The following PIP5K1B variants were observed in gnomAD, a reference collection of about 807,000 sequenced individuals.
The protein encoded by PIP5K1B is phosphatidylinositol-4-phosphate 5-kinase type 1 beta, also known as phosphatidylinositol 4-phosphate 5-kinase type-1 beta.
Under a neutral mutation model 67.0 loss-of-function variants are expected in PIP5K1B, and 42 were observed. The observed-to-expected ratio is 0.63, with a 90% CI of 0.49 to 0.81. The LOEUF is 0.81. Ranked by LOEUF, PIP5K1B falls within the 30% of genes least tolerant of loss-of-function variation. The pLI, the probability that PIP5K1B is intolerant of heterozygous loss-of-function variation, is 0.00. For missense variants in PIP5K1B, 459 were observed against 646.3 expected (o/e 0.71, Z 3.14); for synonymous variants, 214 against 231.4 (o/e 0.92, Z 0.68).
intron 8 of PIP5K1B, among the ~76,000 whole-genome samples, chr9:68,909,868 G>A (rs1169555293): frequency 1.3e-5 from 2 of 152,140 alleles, no homozygotes; most frequent in African/African-American, 4.8e-5. Flanking sequence ...TGGTAAAATG[G>A]GGATGTTCTA....
intron 2 of PIP5K1B, among the ~76,000 whole-genome samples, chr9:68,787,201 A>AAGGT (rs1831674436): frequency 6.6e-6 from 1 of 152,182 alleles, no homozygotes; most frequent in Non-Finnish European, 1.5e-5. Flanking sequence ...TTAGGGAAGG[A>AAGGT]AGCATTTTAG....
chr9:68,825,015 A>G (rs1357579883), intron 4 of PIP5K1B, among the ~76,000 whole-genome samples: 1 of 152,244 alleles, frequency 6.6e-6, no homozygotes, highest in Non-Finnish European at 1.5e-5. Flanking sequence ...TACATTCTGG[A>G]AACCAGATTA....
intron 12 of PIP5K1B, among the ~76,000 whole-genome samples, chr9:68,927,671 G>C (rs998017234): frequency 6.6e-5 from 10 of 152,092 alleles, no homozygotes; most frequent in Admixed American, 4.6e-4. Context: ...TCCGTTATCA[G>C]ATATATGATT....
At chr9:68,845,574 G>T (rs1822147252) in intron 4 of PIP5K1B, among the ~76,000 whole-genome samples, 1 of 152,208 alleles carries the variant, frequency 6.6e-6, no homozygotes, top group African/African-American at 2.4e-5. Flanking sequence ...GAAGGCCAGG[G>T]AGGAAAAGCC....
chr9:68,831,406 T>G (rs528863316), intron 4 of PIP5K1B, among the ~76,000 whole-genome samples: 1 of 152,304 alleles, frequency 6.6e-6, no homozygotes, highest in South Asian at 2.1e-4. Flanking sequence ...TTACGACCAT[T>G]TTACAGATGA....
intron 1 of PIP5K1B, among the ~76,000 whole-genome samples, chr9:68,713,164 C>T (rs916266109): frequency 2.0e-5 from 3 of 152,076 alleles, no homozygotes; most frequent in African/African-American, 7.2e-5. Context: ...CTTGGGAGCC[C>T]GAAGCAGGTG....
intron 8 of PIP5K1B, among the ~76,000 whole-genome samples, chr9:68,909,961 C>T (rs561747193): frequency 7.2e-5 from 11 of 152,212 alleles, no homozygotes; most frequent in Non-Finnish European, 1.2e-4. Context: ...CAATAAAATA[C>T]GTATTGAATG....
intron 14 of PIP5K1B, among the ~76,000 whole-genome samples, chr9:68,943,907 C>G (rs1212444182): frequency 6.6e-6 from 1 of 152,186 alleles, no homozygotes; most frequent in Non-Finnish European, 1.5e-5. Flanking sequence ...GCCTCCACAC[C>G]TAAATTATAT....
At chr9:68,815,451 A>G (rs1398248295) in intron 2 of PIP5K1B, among the ~76,000 whole-genome samples, 4 of 152,148 alleles carry the variant, frequency 2.6e-5, no homozygotes, top group African/African-American at 7.2e-5. Context: ...ACATATACAC[A>G]TGCAACATTA....
At chr9:68,936,008 T>C (rs1827247891) in intron 13 of PIP5K1B, 1 of 152,252 alleles carries the variant, frequency 6.6e-6, no homozygotes, top group Non-Finnish European at 1.5e-5. Context: ...AGTTTTATAA[T>C]ATTTTTCTTG....
intron 2 of PIP5K1B, among the ~76,000 whole-genome samples, chr9:68,745,463 C>T (rs116914874): frequency 0.022 from 3,372 of 152,306 alleles, 57 homozygotes; most frequent in Non-Finnish European, 0.028. Flanking sequence ...TCCATCTTAG[C>T]GGCTTGTTTG....
chr9:68,945,232 G>A (rs1333250522), intron 14 of PIP5K1B, among the ~76,000 whole-genome samples: 3 of 151,938 alleles, frequency 2.0e-5, no homozygotes, highest in Admixed American at 6.6e-5. Flanking sequence ...TGTAAGCTCC[G>A]CCTCCAGGGT....
At chr9:68,867,158 G>C (rs1823399846) in intron 5 of PIP5K1B, among the ~76,000 whole-genome samples, 1 of 151,256 alleles carries the variant, frequency 6.6e-6, no homozygotes, top group Non-Finnish European at 1.5e-5. Flanking sequence ...AAAAAAAAAT[G>C]GCAATACAAT....
At position 68,895,216 on chromosome 9, in the gene PIP5K1B, TGGA is replaced by T. The variant is rs1343434484; in HGVS notation, c.771+580_771+582del. ...AGACACCATTCCATGCAAACTTAGC[TGGA>T]GTGATTGTCCAAAGTGGGGAGGAAT... On this transcript the variant is annotated intron_variant, in intron 8 of 15. Transcript: ENST00000265382. 3.4e-5 allele frequency among the ~76,000 whole-genome samples: 5 copies of T among 145,854 alleles called. No homozygotes were observed. The Admixed American group carries it at 3.5e-4, about 10-fold the overall frequency.
At chr9:68,800,182 A>G (rs1224707262) in intron 2 of PIP5K1B, among the ~76,000 whole-genome samples, 1 of 152,192 alleles carries the variant, frequency 6.6e-6, no homozygotes, top group Non-Finnish European at 1.5e-5. Context: ...TGGTGGAGAT[A>G]CCTGTGGGCA....
intron 2 of PIP5K1B, among the ~76,000 whole-genome samples, chr9:68,765,284 G>A (rs1314868626): frequency 2.0e-5 from 3 of 151,934 alleles, no homozygotes; most frequent in African/African-American, 7.3e-5. Context: ...ACATTTTAAT[G>A]GTCTTTTCCA....
At chr9:68,804,742 C>T (rs1368660103) in intron 2 of PIP5K1B, among the ~76,000 whole-genome samples, 1 of 152,164 alleles carries the variant, frequency 6.6e-6, no homozygotes, top group Non-Finnish European at 1.5e-5. Flanking sequence ...CAGGTGTGCA[C>T]CACTTCACCC....
At chr9:68,980,231 G>A (rs1407579313) in intron 14 of PIP5K1B, among the ~76,000 whole-genome samples, 1 of 152,184 alleles carries the variant, frequency 6.6e-6, no homozygotes, top group Non-Finnish European at 1.5e-5. Context: ...TTCCCAGTGG[G>A]GCACAAGGTG....
chr9:68,752,061 T>C (rs1460763973), intron 2 of PIP5K1B, among the ~76,000 whole-genome samples: 1 of 152,208 alleles, frequency 6.6e-6, no homozygotes, highest in Non-Finnish European at 1.5e-5. Context: ...AGGTTTTATA[T>C]TTCAGTATAT....
Sources: allele counts gnomAD v4.1 joint callset (sites outside exome capture counted in the v4.1 genomes callset), GRCh38; gene constraint gnomAD v4.1.1; transcripts MANE v1.5; gene names NCBI Gene and HGNC (gene_info 2026-07-23, HGNC 2026-07-21).